The following HDAC8 variants were observed in gnomAD, a reference collection of about 807,000 sequenced individuals.
The protein encoded by HDAC8 is histone deacetylase 8.
In HDAC8, 1 loss-of-function variant was observed where a neutral mutation model predicts 32.2. That is an observed-to-expected ratio of 0.03 (90% CI 0.01 to 0.15). The LOEUF (loss-of-function observed/expected upper bound fraction) is 0.15, where lower values mean the gene tolerates loss of function less well. Ranked by LOEUF, HDAC8 falls within the 10% of genes least tolerant of loss-of-function variation. HDAC8 has a pLI of 1.00. For synonymous variants in HDAC8, 108 were observed against 113.9 expected (o/e 0.95, Z 0.33); for missense variants, 117 against 300.0 (o/e 0.39, Z 4.51).
intron 4 of HDAC8, among the ~76,000 whole-genome samples, chrX:72,551,432 A>G (rs187873028): frequency 8.9e-6 from 1 of 112,266 alleles, no homozygotes; most frequent in East Asian, 2.8e-4. Flanking sequence ...TGTTATATCT[A>G]GCACTCAATT....
intron 9 of HDAC8, among the ~76,000 whole-genome samples, chrX:72,420,978 G>A: frequency 9.1e-6 from 1 of 110,309 alleles, no homozygotes; most frequent in East Asian, 2.8e-4. Context: ...TGATAAGGAT[G>A]GATTTTTGCA....
intron 9 of HDAC8, among the ~76,000 whole-genome samples, chrX:72,413,292 G>A (rs373123324): frequency 5.3e-4 from 36 of 68,291 alleles, no homozygotes; most frequent in African/African-American, 2.1e-3. Flanking sequence ...AACAGGCCCC[G>A]GTGTGTGATG....
chrX:72,506,228 A>G (rs1232158978), intron 4 of HDAC8, among the ~76,000 whole-genome samples: 2 of 112,535 alleles, frequency 1.8e-5, no homozygotes, highest in African/African-American at 6.5e-5. Context: ...TACCTTTTAC[A>G]TGAAAGATGA....
At position 72,378,773 on chromosome X, in the gene HDAC8, T is replaced by G. The variant is rs1451337023; in HGVS notation, c.1006-26935A>C. 2.1e-4 allele frequency among the ~76,000 whole-genome samples: 23 copies of G among 111,914 alleles called. 1 individual carries two copies. In the Admixed American group the frequency reaches 2.2e-3, roughly 11 times the overall value. On this transcript the variant is annotated intron_variant, in intron 9 of 10. Transcript: ENST00000373573. ...ATATTTGTACTTTGATATTTACTTA[T>G]GTAGTGACCCTTACTGGTGGTCTTT...
In HDAC8 at chrX:72,351,727, G is replaced by A. The variant is rs372334014; in HGVS notation, c.1111+6C>T. The A allele has an allele frequency of 3.4e-6, 4 of 1,188,202 alleles. No homozygotes were observed. Among genetic ancestry groups the A allele is most frequent in the African/African-American group, 1.8e-5 (1 of 56,956 alleles). The stretch of plus-strand genomic sequence containing the variant: ...AGGAGGGCAGGCCTCGAGGGGCGGT[G>A]CTCACCTTTGATGTAGTTGAGGATT... On this transcript the variant is annotated splice_donor_region_variant and intron_variant, in intron 10 of 10. Coordinates refer to ENST00000373573, the MANE Select transcript of HDAC8 (RefSeq NM_018486.3).
At chrX:72,490,691 C>T (rs1287714177) in intron 6 of HDAC8, among the ~76,000 whole-genome samples, 6 of 106,464 alleles carry the variant, frequency 5.6e-5, no homozygotes, top group Non-Finnish European at 7.7e-5. Context: ...CAGCATGGCA[C>T]GTGTATACAT....
chrX:72,408,154 G>A (rs972404562), intron 9 of HDAC8, among the ~76,000 whole-genome samples: 82 of 111,859 alleles, frequency 7.3e-4, no homozygotes, highest in African/African-American at 2.5e-3. Context: ...CATTCTAGGG[G>A]AGGGACAGAA....
intron 5 of HDAC8, among the ~76,000 whole-genome samples, chrX:72,492,059 C>A (rs181581487): frequency 9.0e-6 from 1 of 111,377 alleles, no homozygotes; most frequent in Non-Finnish European, 1.9e-5. Context: ...CAGTTAAATC[C>A]AGTTAAAGGC....
intron 9 of HDAC8, among the ~76,000 whole-genome samples, chrX:72,456,781 A>C (rs1555989823): frequency 9.0e-6 from 1 of 111,697 alleles, no homozygotes; most frequent in African/African-American, 3.3e-5. Flanking sequence ...CCTGGGCGAC[A>C]CAGCAAGATT....
At chrX:72,489,092 G>A in intron 6 of HDAC8, 51 bp from the exon 7 acceptor site, 2 of 890,653 alleles carry the variant, frequency 2.2e-6, no homozygotes, top group South Asian at 2.5e-5. Flanking sequence ...TGAGAACCCA[G>A]AAAACTTAAA....
intron 7 of HDAC8, among the ~76,000 whole-genome samples, chrX:72,483,050 C>T (rs782049364): frequency 1.8e-5 from 2 of 111,661 alleles, no homozygotes; most frequent in South Asian, 3.8e-4. Flanking sequence ...GGAGACAATA[C>T]ATTTTTTGGC....
intron 9 of HDAC8, among the ~76,000 whole-genome samples, chrX:72,361,703 G>C (rs1280818785): frequency 9.7e-6 from 1 of 103,176 alleles, no homozygotes; most frequent in African/African-American, 3.8e-5. Context: ...CTAGGCCCTG[G>C]GGGCAAGCTG....
chrX:72,535,452 G>A (rs1430828519), intron 4 of HDAC8, among the ~76,000 whole-genome samples: 2 of 110,347 alleles, frequency 1.8e-5, no homozygotes, highest in Non-Finnish European at 3.8e-5. Flanking sequence ...CTTCTCTCTA[G>A]ACAGTACTCA....
At chrX:72,448,783 C>T (rs2047490865) in intron 9 of HDAC8, among the ~76,000 whole-genome samples, 1 of 112,625 alleles carries the variant, frequency 8.9e-6, no homozygotes, top group African/African-American at 3.2e-5. Context: ...TGAACCGACA[C>T]TTCTCTAAAG....
At chrX:72,558,431 A>G (rs1163202847) in intron 4 of HDAC8, among the ~76,000 whole-genome samples, 1 of 112,280 alleles carries the variant, frequency 8.9e-6, no homozygotes, top group Non-Finnish European at 1.9e-5. Context: ...ATAGTTTAAC[A>G]TACACAAGTC....
intron 9 of HDAC8, among the ~76,000 whole-genome samples, chrX:72,432,153 T>G (rs1386575418): frequency 9.0e-6 from 1 of 111,019 alleles, no homozygotes; most frequent in Admixed American, 9.5e-5. Context: ...TATTTTTTTT[T>G]TGTGGAGACA....
chrX:72,349,763 T>C (rs1555948154), intron 10 of HDAC8, among the ~76,000 whole-genome samples: 1 of 111,788 alleles, frequency 8.9e-6, no homozygotes, highest in Non-Finnish European at 1.9e-5. Flanking sequence ...ATTTCCTCAA[T>C]AGCAAGATGC....
chrX:72,385,255 C>A (rs2045391725), intron 9 of HDAC8, among the ~76,000 whole-genome samples: 1 of 111,051 alleles, frequency 9.0e-6, no homozygotes, highest in African/African-American at 3.3e-5. Context: ...CTTGAGGCCA[C>A]CAGTTTTAGA....
Position 72,329,594 on chromosome X carries a change from C to T in HDAC8, c.*460G>A. On this transcript the variant is annotated 3_prime_UTR_variant, in exon 11 of 11. Transcript: ENST00000373573. ...CACCAGCGGACTTCTCCCCACCTCCCAGTCTGCTGATCAGTACCCTCTCTC... is the reference window on the plus strand; with the variant it reads ...CACCAGCGGACTTCTCCCCACCTCCTAGTCTGCTGATCAGTACCCTCTCTC... 9.5e-7 allele frequency: 1 copy of T among 1,050,017 alleles called. No homozygotes were observed. The highest frequency in any genetic ancestry group is 1.3e-6 in the Non-Finnish European group (1 of 776,209). 86.5% of individuals were successfully genotyped at this position (1,050,017 alleles called of 1,213,427 possible). A position where few individuals can be genotyped will look rare whatever the true frequency, so the allele number is the denominator to read the frequency against.
Sources: allele counts gnomAD v4.1 joint callset (sites outside exome capture counted in the v4.1 genomes callset), GRCh38; gene constraint gnomAD v4.1.1; transcripts MANE v1.5; gene names NCBI Gene and HGNC (gene_info 2026-07-23, HGNC 2026-07-21).